WWOX: variants seen among roughly 807,000 people sequenced by gnomAD.
WWOX encodes the protein WW domain containing oxidoreductase, also known as WW domain-containing oxidoreductase.
Under a neutral mutation model 46.2 loss-of-function variants are expected in WWOX, and 69 were observed. That is an observed-to-expected ratio of 1.49 (90% CI 1.23 to 1.82). The LOEUF (loss-of-function observed/expected upper bound fraction) is 1.82, where lower values mean the gene tolerates loss of function less well. Ranked by LOEUF, WWOX falls within the 40% of genes most tolerant of loss-of-function variation. WWOX has a pLI of 0.00. For missense variants in WWOX, 919 were observed against 542.6 expected (o/e 1.69, Z -6.89); for synonymous variants, 359 against 202.6 (o/e 1.77, Z -6.56).
intron 8 of WWOX, among the ~76,000 whole-genome samples, chr16:78,637,837 T>C (rs1029550869): frequency 2.0e-5 from 3 of 152,174 alleles, no homozygotes; most frequent in African/African-American, 7.2e-5. Context: ...GTGTTGTGTG[T>C]GTCTCCACTT....
intron 8 of WWOX, among the ~76,000 whole-genome samples, chr16:78,562,860 T>C (rs141268839): frequency 2.4e-4 from 36 of 152,286 alleles, no homozygotes; most frequent in Non-Finnish European, 4.0e-4. Context: ...ATCCCATAGC[T>C]GAGCGACGTC....
At chr16:78,757,134 T>G in intron 8 of WWOX, 1 of 641,536 alleles carries the variant, frequency 1.6e-6, no homozygotes. Flanking sequence ...ACCACCGAGC[T>G]AAGCTGCTCA....
intron 8 of WWOX, among the ~76,000 whole-genome samples, chr16:79,191,652 A>T (rs551186453): frequency 2.0e-5 from 3 of 152,178 alleles, no homozygotes; most frequent in Non-Finnish European, 4.4e-5. Context: ...CTGCAGTGAA[A>T]TGTTTTCAAA....
chr16:78,485,608 G>T (rs1032663272), intron 8 of WWOX, among the ~76,000 whole-genome samples: 8 of 152,130 alleles, frequency 5.3e-5, no homozygotes, highest in Non-Finnish European at 2.9e-5. Context: ...CTCACAGCAC[G>T]CATTTGTTCA....
At chr16:79,009,068 G>T (rs1216415561) in intron 8 of WWOX, among the ~76,000 whole-genome samples, 4 of 152,176 alleles carry the variant, frequency 2.6e-5, no homozygotes, top group African/African-American at 4.8e-5. Context: ...TATTTAGAGG[G>T]ATCCACGGAG....
intron 5 of WWOX, among the ~76,000 whole-genome samples, chr16:78,227,008 G>C (rs1275389453): frequency 6.6e-6 from 1 of 152,176 alleles, no homozygotes; most frequent in Non-Finnish European, 1.5e-5. Context: ...GTTACCATTG[G>C]CATGTGCTTC....
At position 78,330,843 on chromosome 16, in the gene WWOX, CAG is replaced by C. The variant is rs1258126356; in HGVS notation, c.517-56015_517-56014del. Among the ~76,000 whole-genome samples, 4 of 152,184 alleles carry C rather than the reference CAG, an allele frequency of 2.6e-5. No individual in the cohort carries two copies. In the South Asian group the frequency reaches 6.2e-4, roughly 24 times the overall value. On this transcript the variant is annotated intron_variant, in intron 5 of 8. Coordinates refer to ENST00000566780, the MANE Select transcript of WWOX (RefSeq NM_016373.4). ...GTACTTTCAAACTTCCTCCTGGAAA[CAG>C]AAGAAAATAAAATTAGATTTTTGTA... is the stretch of plus-strand genomic sequence containing the variant.
intron 8 of WWOX, among the ~76,000 whole-genome samples, chr16:79,080,607 C>G (rs1241976533): frequency 6.6e-6 from 1 of 152,172 alleles, no homozygotes; most frequent in East Asian, 1.9e-4. Flanking sequence ...TTTGGATGGA[C>G]TCAATCTGGA....
Position 78,492,143 on chromosome 16 carries a change from A to G in WWOX, c.1056+59391A>G, listed in dbSNP as rs182395783. Reference sequence around the variant, plus strand: ...GACAAGTAAATGAGCAACCTGGAAGATGAGTGGCGTTTCCACACACAGGGA... The same window carrying G: ...GACAAGTAAATGAGCAACCTGGAAGGTGAGTGGCGTTTCCACACACAGGGA... On this transcript the variant is annotated intron_variant, in intron 8 of 8. Transcript: ENST00000566780. 3.9e-5 allele frequency among the ~76,000 whole-genome samples: 6 copies of G among 152,340 alleles called. No individual in the cohort carries two copies. The East Asian group carries it at 1.2e-3, about 29-fold the overall frequency.
intron 8 of WWOX, among the ~76,000 whole-genome samples, chr16:78,831,392 G>T (rs148048556): frequency 6.6e-6 from 1 of 152,224 alleles, no homozygotes; most frequent in African/African-American, 2.4e-5. Flanking sequence ...CAAAATATCT[G>T]TGTTCATGTA....
intron 8 of WWOX, among the ~76,000 whole-genome samples, chr16:78,655,903 T>C (rs1463696669): frequency 6.6e-6 from 1 of 152,186 alleles, no homozygotes; most frequent in Non-Finnish European, 1.5e-5. Flanking sequence ...ACCCCAGCTC[T>C]GTATTCGAGC....
chr16:78,357,981 C>T (rs779175644), intron 5 of WWOX, among the ~76,000 whole-genome samples: 2 of 152,168 alleles, frequency 1.3e-5, no homozygotes, highest in East Asian at 3.9e-4. Flanking sequence ...AACTGGGGAC[C>T]TGTTGCCGGA....
chr16:78,342,580 A>C (rs2081036315), intron 5 of WWOX, among the ~76,000 whole-genome samples: 1 of 120,670 alleles, frequency 8.3e-6, no homozygotes, highest in South Asian at 2.5e-4. Context: ...TTGGGAGAGC[A>C]CTAAAGGTCT....
chr16:78,772,415 A>G (rs2050087265), intron 8 of WWOX, among the ~76,000 whole-genome samples: 1 of 151,536 alleles, frequency 6.6e-6, no homozygotes, highest in Non-Finnish European at 1.5e-5. Context: ...GTGTATATTC[A>G]CTACTTTTTT....
intron 8 of WWOX, among the ~76,000 whole-genome samples, chr16:78,494,676 A>G (rs908849544): frequency 1.3e-5 from 2 of 152,198 alleles, no homozygotes; most frequent in Non-Finnish European, 2.9e-5. Flanking sequence ...GGCTTAATGG[A>G]CAACATATCA....
chr16:78,601,374 G>C (rs1283222833), intron 8 of WWOX, among the ~76,000 whole-genome samples: 3 of 151,442 alleles, frequency 2.0e-5, no homozygotes, highest in Non-Finnish European at 4.4e-5. Context: ...AAACGGGTAA[G>C]ACAGAGGAGG....
intron 8 of WWOX, among the ~76,000 whole-genome samples, chr16:78,842,673 G>C (rs781742488): frequency 6.6e-6 from 1 of 152,054 alleles, no homozygotes; most frequent in Non-Finnish European, 1.5e-5. Flanking sequence ...AGAACATCCA[G>C]GGAAACATAG....
intron 8 of WWOX, among the ~76,000 whole-genome samples, chr16:79,039,474 C>T (rs369960336): frequency 1.5e-4 from 23 of 152,234 alleles, no homozygotes; most frequent in African/African-American, 4.8e-4. Flanking sequence ...GAACCAGAGG[C>T]GACGCATTTG....
chr16:78,269,443 T>C (rs2079431567), intron 5 of WWOX, among the ~76,000 whole-genome samples: 1 of 152,190 alleles, frequency 6.6e-6, no homozygotes, highest in Non-Finnish European at 1.5e-5. Flanking sequence ...CAGCAGCCAT[T>C]CTGGTTTGAC....
Sources: allele counts gnomAD v4.1 joint callset (sites outside exome capture counted in the v4.1 genomes callset), GRCh38; gene constraint gnomAD v4.1.1; transcripts MANE v1.5; gene names NCBI Gene and HGNC (gene_info 2026-07-23, HGNC 2026-07-21).